The following ITFG1 variants were observed in gnomAD, a reference collection of about 807,000 sequenced individuals.
ITFG1 encodes integrin alpha FG-GAP repeat containing 1.
Under a neutral mutation model 81.8 loss-of-function variants are expected in ITFG1, and 34 were observed. The observed-to-expected ratio is 0.42, with a 90% confidence interval of 0.32 to 0.55. The LOEUF (loss-of-function observed/expected upper bound fraction) is 0.55. Among genes scored for constraint, ITFG1 ranks in the 20% least tolerant of loss-of-function variants. The pLI, the probability that ITFG1 is intolerant of heterozygous loss-of-function variation, is 0.17. For synonymous variants in ITFG1, 285 were observed against 270.6 expected (o/e 1.05, Z -0.52); for missense variants, 672 against 755.4 (o/e 0.89, Z 1.29).
intron 5 of ITFG1, among the ~76,000 whole-genome samples, chr16:47,445,010 C>T (rs1488102511): frequency 8.6e-5 from 13 of 151,524 alleles, no homozygotes; most frequent in Admixed American, 8.6e-4. Flanking sequence ...AACTGTCATG[C>T]TACCACAACC....
chr16:47,220,154 C>T (rs1286532781), intron 13 of ITFG1, among the ~76,000 whole-genome samples: 1 of 152,176 alleles, frequency 6.6e-6, no homozygotes, highest in Non-Finnish European at 1.5e-5. Flanking sequence ...CATCACAGGC[C>T]AGTCATTTTG....
intron 12 of ITFG1, among the ~76,000 whole-genome samples, chr16:47,257,979 G>A (rs1966159378): frequency 1.3e-5 from 2 of 152,210 alleles, no homozygotes; most frequent in Non-Finnish European, 2.9e-5. Context: ...GGTTGATTCA[G>A]GGAGTTGTCA....
chr16:47,289,432 C>G (rs1396505033), intron 10 of ITFG1, among the ~76,000 whole-genome samples: 2 of 152,086 alleles, frequency 1.3e-5, no homozygotes, highest in Non-Finnish European at 2.9e-5. Flanking sequence ...GATATTAGTT[C>G]TTTATTTAAT....
chr16:47,299,125 T>C (rs1967032552), intron 10 of ITFG1, among the ~76,000 whole-genome samples: 1 of 152,128 alleles, frequency 6.6e-6, no homozygotes, highest in Non-Finnish European at 1.5e-5. Context: ...AGGAATGAGA[T>C]CTGCTACCTT....
chr16:47,425,352 C>A (rs911246076), intron 6 of ITFG1, among the ~76,000 whole-genome samples: 1 of 152,136 alleles, frequency 6.6e-6, no homozygotes, highest in Admixed American at 6.5e-5. Context: ...CAGTCTGTCA[C>A]GGCTTCCCTT....
chr16:47,402,570 G>C (rs1299925280), intron 6 of ITFG1, among the ~76,000 whole-genome samples: 1 of 152,128 alleles, frequency 6.6e-6, no homozygotes, highest in East Asian at 1.9e-4. Flanking sequence ...AGTGCACATG[G>C]GGGTTCATGT....
rs568677387 is a variant in ITFG1, at chr16:47,238,088, T to C, written c.1331-80A>G. 132 of 726,558 alleles carry C rather than the reference T, an allele frequency of 1.8e-4. 1 individual carries two copies. In the African/African-American group the frequency reaches 2.3e-3, roughly 13 times the overall value. 45.0% of individuals were successfully genotyped at this position (726,558 alleles called of 1,614,324 possible). On this transcript the variant is annotated intron_variant, in intron 12 of 17. Coordinates refer to ENST00000320640, the MANE Select transcript of ITFG1 (RefSeq NM_030790.5). ...GCTCTAATTTTCTCCCTAAGATCCATTAATATACTCTATTGATTCATAATC... is the reference window on the plus strand; with the variant it reads ...GCTCTAATTTTCTCCCTAAGATCCACTAATATACTCTATTGATTCATAATC...
intron 10 of ITFG1, among the ~76,000 whole-genome samples, chr16:47,310,540 T>C (rs1967241775): frequency 1.3e-5 from 2 of 152,222 alleles, no homozygotes; most frequent in African/African-American, 4.8e-5. Context: ...CATTGGTTTA[T>C]CTACTGATAC....
chr16:47,353,541 T>A (rs1967996273), intron 8 of ITFG1, among the ~76,000 whole-genome samples: 1 of 152,122 alleles, frequency 6.6e-6, no homozygotes, highest in African/African-American at 2.4e-5. Context: ...AAATTGGAAA[T>A]CTTAGCCAGA....
intron 14 of ITFG1, among the ~76,000 whole-genome samples, chr16:47,180,928 A>G (rs571532211): frequency 1.4e-3 from 185 of 134,436 alleles, no homozygotes; most frequent in Non-Finnish European, 2.6e-3. Flanking sequence ...CATCCTGTCT[A>G]GGAAGTGAGG....
Position 47,443,297 on chromosome 16 carries a change from G to T in ITFG1, c.560+8099C>A, listed in dbSNP as rs563006678. Among the ~76,000 whole-genome samples, 121 of 152,298 alleles carry T rather than the reference G, an allele frequency of 7.9e-4. 1 individual carries two copies. Among genetic ancestry groups the T allele is most frequent in the Non-Finnish European group, 3.4e-4 (23 of 68,014 alleles). ...AAATAGGAACACTTTTACACTGTTG[G>T]TGGGAGTGTAAACTAGTTCAACCAT... On this transcript the variant is annotated intron_variant, in intron 5 of 17. Coordinates refer to ENST00000320640, the MANE Select transcript of ITFG1 (RefSeq NM_030790.5).
intron 5 of ITFG1, among the ~76,000 whole-genome samples, chr16:47,437,334 G>A (rs911550496): frequency 2.0e-5 from 3 of 152,022 alleles, no homozygotes; most frequent in Admixed American, 6.6e-5. Flanking sequence ...CAGGCATGGT[G>A]GCATGCATCC....
At chr16:47,159,505 T>C (rs1322710038) in intron 16 of ITFG1, among the ~76,000 whole-genome samples, 1 of 152,156 alleles carries the variant, frequency 6.6e-6, no homozygotes. Flanking sequence ...TTTTATATCA[T>C]GTTGGAGTGT....
intron 13 of ITFG1, among the ~76,000 whole-genome samples, chr16:47,226,040 T>C (rs556500644): frequency 1.6e-4 from 25 of 152,344 alleles, no homozygotes; most frequent in African/African-American, 6.0e-4. Context: ...TGCTTGAAGA[T>C]GTAATTTGTA....
At chr16:47,229,003 G>A (rs1197112529) in intron 13 of ITFG1, among the ~76,000 whole-genome samples, 3 of 152,030 alleles carry the variant, frequency 2.0e-5, no homozygotes, top group African/African-American at 7.2e-5. Flanking sequence ...TATCAATGAC[G>A]GCCCATTAAA....
intron 8 of ITFG1, among the ~76,000 whole-genome samples, chr16:47,354,156 T>C (rs1968006662): frequency 6.6e-6 from 1 of 152,070 alleles, no homozygotes; most frequent in South Asian, 2.1e-4. Flanking sequence ...TAAAACATAC[T>C]ACAAAGCTAT....
rs1257656391 is a variant in ITFG1 at position 47,460,970 on chromosome 16, C to T, written c.76G>A (p.Val26Ile). ...AGCGCCCGCGCTGGGACCGGCCCGA[C>T]TCCCAGTAGTGCAAGCCCTGCGAGG... is the stretch of plus-strand genomic sequence containing the variant. ...PLLAGLALLG[V>I]GPVPARALHN... Residue 26 changes from valine (V) to isoleucine (I), a missense_variant, in exon 1 of 18, where the codon GTC (valine) becomes ATC (isoleucine). By Grantham distance (29) the Val-to-Ile change is conservative. Coordinates refer to ENST00000320640, the MANE Select transcript of ITFG1 (RefSeq NM_030790.5). 6.2e-7 allele frequency: 1 copy of T among 1,600,608 alleles called. No individual in the cohort carries two copies. Among genetic ancestry groups the T allele is most frequent in the East Asian group, 2.3e-5 (1 of 44,288 alleles).
intron 10 of ITFG1, among the ~76,000 whole-genome samples, chr16:47,310,793 G>A (rs560300050): frequency 1.3e-5 from 2 of 152,146 alleles, no homozygotes; most frequent in South Asian, 2.1e-4. Context: ...CCATGACAGA[G>A]GTACAATTAT....
chr16:47,365,914 C>G, intron 7 of ITFG1, 45 bp from the exon 8 acceptor site: 1 of 1,018,276 alleles, frequency 9.8e-7, no homozygotes, highest in Non-Finnish European at 1.5e-6. Context: ...TTAATCCACT[C>G]ATTTGTTAAG....
Sources: allele counts gnomAD v4.1 joint callset (sites outside exome capture counted in the v4.1 genomes callset), GRCh38; gene constraint gnomAD v4.1.1; transcripts MANE v1.5; gene names NCBI Gene and HGNC (gene_info 2026-07-23, HGNC 2026-07-21).